Variants in UNC13A observed in about 807,000 individuals in gnomAD.
The protein encoded by UNC13A is unc-13 homolog A.
Under a neutral mutation model 219.7 loss-of-function variants are expected in UNC13A, and 61 were observed. That is an observed-to-expected ratio of 0.28 (90% CI 0.23 to 0.34). The LOEUF is 0.34. Among genes scored for constraint, UNC13A ranks in the 10% least tolerant of loss-of-function variants. The pLI is 1.00. For missense variants in UNC13A, 1,476 were observed against 2,270.3 expected (o/e 0.65, Z 7.11); for synonymous variants, 920 against 884.6 (o/e 1.04, Z -0.71).
At chr19:17,676,762 C>G (rs553341914) in intron 1 of UNC13A, among the ~76,000 whole-genome samples, 1 of 152,126 alleles carries the variant, frequency 6.6e-6, no homozygotes, top group Non-Finnish European at 1.5e-5. Flanking sequence ...ACCTATAACC[C>G]CAGCACTTTA....
chr19:17,605,813 G>A lies in UNC13A; in HGVS notation c.*241C>T, dbSNP rs1008524024. Reference sequence around the variant, plus strand: ...CTAGGTGCTGGGGGCGTGGCCTCAAGTTGGGGATGTGGCTCCTTCCTTCGT... The same window carrying A: ...CTAGGTGCTGGGGGCGTGGCCTCAAATTGGGGATGTGGCTCCTTCCTTCGT... On this transcript the variant is annotated 3_prime_UTR_variant, in exon 44 of 44. Coordinates refer to ENST00000519716, the MANE Select transcript of UNC13A (RefSeq NM_001080421.3). 1.3e-5 allele frequency: 6 copies of A among 447,758 alleles called. No individual in the cohort carries two copies. Among genetic ancestry groups the A allele is most frequent in the Non-Finnish European group, 2.3e-5 (6 of 258,300 alleles). The allele number at this position is 447,758 out of a possible 1,614,324, so 27.7% of individuals were successfully genotyped here.
At chr19:17,657,494 T>C (rs2079478531) in intron 9 of UNC13A, among the ~76,000 whole-genome samples, 1 of 152,162 alleles carries the variant, frequency 6.6e-6, no homozygotes. Flanking sequence ...TGTCTCTGTC[T>C]AAATACAGGC....
intron 8 of UNC13A, among the ~76,000 whole-genome samples, chr19:17,661,819 T>G (rs766993155): frequency 7.9e-5 from 12 of 152,120 alleles, no homozygotes; most frequent in Non-Finnish European, 1.6e-4. Flanking sequence ...TGTTAGGAGC[T>G]GGGGCGCACA....
At chr19:17,651,658 T>A (rs2079351003) in intron 12 of UNC13A, among the ~76,000 whole-genome samples, 1 of 152,098 alleles carries the variant, frequency 6.6e-6, no homozygotes, top group South Asian at 2.1e-4. Flanking sequence ...AAACCACATC[T>A]TTTCTCGGCA....
chr19:17,657,206 C>T (rs937955751), intron 9 of UNC13A, among the ~76,000 whole-genome samples: 9 of 152,234 alleles, frequency 5.9e-5, no homozygotes, highest in South Asian at 2.1e-4. Context: ...GTGGCCCATA[C>T]GCTCCAAACT....
chr19:17,638,390 C>G (rs946959795), intron 25 of UNC13A, among the ~76,000 whole-genome samples: 2 of 152,056 alleles, frequency 1.3e-5, no homozygotes, highest in African/African-American at 2.4e-5. Context: ...ATCACTTGAG[C>G]CTGGGAGGTC....
rs865855686 is a variant in UNC13A, at chr19:17,602,899, G to A, written c.*3155C>T. Reference sequence around the variant, plus strand: ...TTGTGCCCAGCCTGTGCTAGGTAAAGTTGGGGGTCCTGAGAGTCCTCAGAC... The same window carrying A: ...TTGTGCCCAGCCTGTGCTAGGTAAAATTGGGGGTCCTGAGAGTCCTCAGAC... On this transcript the variant is annotated 3_prime_UTR_variant, in exon 44 of 44. Transcript: ENST00000519716. 2.0e-5 allele frequency: 3 copies of A among 152,302 alleles called. No homozygotes were observed. The highest frequency in any genetic ancestry group is 7.2e-5 in the African/African-American group (3 of 41,454). The allele number at this position is 152,302 out of a possible 1,614,324, so 9.4% of individuals were successfully genotyped here.
In UNC13A at chr19:17,624,954, TGG is replaced by T; in HGVS notation, c.4074-4_4074-3del. 1 of 1,612,950 alleles carries T rather than the reference TGG, an allele frequency of 6.2e-7. No individual in the cohort carries two copies. The highest frequency in any genetic ancestry group is 8.5e-7 in the Non-Finnish European group (1 of 1,179,210). On this transcript the variant is annotated splice_polypyrimidine_tract_variant and splice_region_variant and intron_variant, in intron 34 of 43. Transcript: ENST00000519716. ...CAGATTTTGGCAAAGAGGGTCAGGCTGGGGACGAGGGGCAGGTCTGAGAGAGG... is the reference window on the plus strand; with the variant it reads ...CAGATTTTGGCAAAGAGGGTCAGGCTGGACGAGGGGCAGGTCTGAGAGAGG...
chr19:17,661,217 G>A (rs914623347), intron 8 of UNC13A, among the ~76,000 whole-genome samples: 11 of 151,930 alleles, frequency 7.2e-5, no homozygotes, highest in African/African-American at 2.7e-4. Context: ...GGAATTACAG[G>A]TGTGAGCCAG....
chr19:17,620,675 G>A lies in UNC13A; in HGVS notation c.4272+18C>T. 1 of 1,611,706 alleles carries A rather than the reference G, an allele frequency of 6.2e-7. No individual in the cohort carries two copies. Among genetic ancestry groups the A allele is most frequent in the East Asian group, 2.2e-5 (1 of 44,836 alleles). ...GAGTGGGATGGGAGCCAGACAGACA[G>A]TGAGAGGCCGGTCTTACGTCTGAGT... On this transcript the variant is annotated intron_variant, in intron 38 of 43. Transcript: ENST00000519716.
intron 4 of UNC13A, among the ~76,000 whole-genome samples, chr19:17,670,374 G>A (rs2079762168): frequency 6.6e-6 from 1 of 151,878 alleles, no homozygotes; most frequent in Admixed American, 6.6e-5. Context: ...CTGAGCTGCT[G>A]GGATTACAGG....
Position 17,686,313 on chromosome 19 carries a change from C to A in UNC13A, c.22+1865G>T, listed in dbSNP as rs768276290. Among the ~76,000 whole-genome samples the A allele has an allele frequency of 2.3e-3, 227 of 99,752 alleles. 14 individuals are homozygous for A. Among genetic ancestry groups the A allele is most frequent in the Middle Eastern group, 4.7e-3 (1 of 212 alleles). 65.4% of individuals were successfully genotyped at this position (99,752 alleles called of 152,430 possible). A position where few individuals can be genotyped will look rare whatever the true frequency, so the allele number is the denominator to read the frequency against. On this transcript the variant is annotated intron_variant, in intron 1 of 43. Coordinates refer to ENST00000519716, the MANE Select transcript of UNC13A (RefSeq NM_001080421.3). ...TGAGATCCCCGCCCCCCCCCCCCCC[C>A]CCCCACTCCACTAGGCAAACCTTCC... is the stretch of plus-strand genomic sequence containing the variant.
At chr19:17,645,929 G>C in intron 18 of UNC13A, 41 bp downstream of exon 18, 1 of 1,605,666 alleles carries the variant, frequency 6.2e-7, no homozygotes, top group Non-Finnish European at 8.5e-7. Context: ...TGCCCCAGCA[G>C]GATGCCCCAC....
intron 38 of UNC13A, among the ~76,000 whole-genome samples, chr19:17,620,485 G>A (rs2076716476): frequency 6.6e-6 from 1 of 151,994 alleles, no homozygotes; most frequent in Non-Finnish European, 1.5e-5. Flanking sequence ...GGGCTCAGGG[G>A]CCTTCCTGGG....
At chr19:17,607,008 C>G (rs2076538930) in intron 43 of UNC13A, among the ~76,000 whole-genome samples, 1 of 152,130 alleles carries the variant, frequency 6.6e-6, no homozygotes, top group Non-Finnish European at 1.5e-5. Flanking sequence ...TTGTCCACCT[C>G]CCAGGTTGTA....
chr19:17,677,456 C>T (rs1217065030), intron 1 of UNC13A, among the ~76,000 whole-genome samples: 2 of 151,770 alleles, frequency 1.3e-5, no homozygotes, highest in East Asian at 1.9e-4. Flanking sequence ...TTCTACCTCC[C>T]AGATTCAAGC....
At chr19:17,659,535 A>G (rs887093136) in intron 8 of UNC13A, among the ~76,000 whole-genome samples, 1 of 152,226 alleles carries the variant, frequency 6.6e-6, no homozygotes, top group Admixed American at 6.5e-5. Context: ...TGGGAGGCCA[A>G]GGCAGGAGGA....
intron 28 of UNC13A, among the ~76,000 whole-genome samples, chr19:17,631,636 C>T (rs903578555): frequency 6.6e-6 from 1 of 152,230 alleles, no homozygotes; most frequent in Admixed American, 6.5e-5. Flanking sequence ...TATCCTCCAA[C>T]ACACAGCCCA....
chr19:17,685,337 C>T (rs1006011919), intron 1 of UNC13A, among the ~76,000 whole-genome samples: 3 of 152,024 alleles, frequency 2.0e-5, no homozygotes, highest in East Asian at 1.9e-4. Context: ...ACTACAGGTG[C>T]GCGCCACCAC....
Sources: gnomAD v4.1 joint callset for allele counts (sites outside exome capture counted in the v4.1 genomes callset) on GRCh38, gnomAD v4.1.1 for gene constraint, MANE v1.5 for transcripts, NCBI Gene and HGNC (gene_info 2026-07-23, HGNC 2026-07-21) for gene names.